Variants in LRPAP1 observed in about 807,000 individuals in gnomAD.
LRPAP1 encodes alpha-2-macroglobulin receptor-associated protein.
Under a neutral mutation model 39.9 loss-of-function variants are expected in LRPAP1, and 41 were observed. The observed-to-expected ratio is 1.03, with a 90% CI of 0.80 to 1.33. LRPAP1 has a LOEUF of 1.33. Ranked by LOEUF, LRPAP1 falls within the 40% of genes most tolerant of loss-of-function variation. LRPAP1 has a pLI of 0.00. For missense variants in LRPAP1, 565 were observed against 482.3 expected, an observed-to-expected ratio of 1.17 and a Z score of -1.61; for synonymous variants, 263 against 212.7, an observed-to-expected ratio of 1.24 and a Z score of -2.06.
Position 3,532,293 on chromosome 4 carries a change from G to A in LRPAP1, c.120C>T (p.Asn40=). ...CGCGTTTCGGGGACGGCTTGGGCTG[G>A]TTCTTCTCCCGCGAGTACTTGCCGC... ...SHGGKYSREK[N]QPKPSPKRES... Residue 40 remains asparagine, a synonymous_variant, in exon 1 of 8, where the codon AAC becomes AAT. Coordinates refer to ENST00000650182, the MANE Select transcript of LRPAP1 (RefSeq NM_002337.4). 4 of 1,568,054 alleles carry A rather than the reference G, an allele frequency of 2.6e-6. No homozygotes were observed. The highest frequency in any genetic ancestry group is 3.5e-6 in the Non-Finnish European group (4 of 1,155,888).
At chr4:3,516,344 C>CA (rs1357688070) in intron 5 of LRPAP1, 146 bp from the exon 6 acceptor site, 5 of 477,032 alleles carry the variant, frequency 1.0e-5, no homozygotes, top group South Asian at 4.4e-5. Context: ...TGCGTGCACT[C>CA]AAAGTCTTAT....
At chr4:3,521,753 T>TG (rs1226285872) in intron 2 of LRPAP1, among the ~76,000 whole-genome samples, 2 of 152,230 alleles carry the variant, frequency 1.3e-5, no homozygotes, top group Non-Finnish European at 2.9e-5. Flanking sequence ...CAAGAGCTGC[T>TG]GGCGCTGGGC....
intron 1 of LRPAP1, 46 bp from the exon 2 acceptor site, chr4:3,525,097 C>T (rs1204911016): frequency 1.2e-5 from 19 of 1,609,048 alleles, no homozygotes; most frequent in Non-Finnish European, 1.6e-5. Context: ...CAGGACGGAC[C>T]AGGACACAGC....
At chr4:3,518,850 G>A in intron 4 of LRPAP1, 21 bp downstream of exon 4, 1 of 1,503,738 alleles carries the variant, frequency 6.7e-7, no homozygotes, top group South Asian at 1.2e-5. Flanking sequence ...GAGGGCAGGA[G>A]GGGGTGGGGG....
At chr4:3,518,257 T>C (rs1729788762) in intron 4 of LRPAP1, 65 bp from the exon 5 acceptor site, 1 of 1,518,532 alleles carries the variant, frequency 6.6e-7, no homozygotes, top group South Asian at 1.3e-5. Flanking sequence ...CAGACCACTG[T>C]CTAGAACGCC....
chr4:3,522,136 A>G (rs10007398), intron 2 of LRPAP1, among the ~76,000 whole-genome samples: 57,215 of 152,026 alleles, frequency 0.38, 11,683 homozygotes, highest in East Asian at 0.63. Context: ...TCCTGCCCAG[A>G]CCCCCAAGTC....
At chr4:3,519,087 T>C (rs1729825927) in intron 3 of LRPAP1, 96 bp from the exon 4 acceptor site, 3 of 1,536,616 alleles carry the variant, frequency 2.0e-6, no homozygotes, top group Non-Finnish European at 2.6e-6. Context: ...GGCAGGCCCT[T>C]GCCTACGTGA....
intron 1 of LRPAP1, among the ~76,000 whole-genome samples, chr4:3,531,674 T>C (rs1242008134): frequency 6.6e-6 from 1 of 152,212 alleles, no homozygotes; most frequent in Non-Finnish European, 1.5e-5. Context: ...CTGTTAAGAC[T>C]GACTTTCAGC....
rs982004518 is a variant in LRPAP1 at position 3,508,444 on chromosome 4, C to T, written c.*4530G>A. The T allele has an allele frequency of 3.3e-5, 5 of 152,222 alleles. No individual in the cohort carries two copies. The highest frequency in any genetic ancestry group is 6.5e-5 in the Admixed American group (1 of 15,290). The allele number at this position is 152,222 out of a possible 1,614,324, so 9.4% of individuals were successfully genotyped here. On this transcript the variant is annotated 3_prime_UTR_variant, in exon 8 of 8. Transcript: ENST00000650182. ...ATACAAACTATGGCAGAACTTGTTT[C>T]AGGAGGCCCACTTAATGCAATATCA... is the stretch of plus-strand genomic sequence containing the variant.
At chr4:3,516,292 T>G in intron 5 of LRPAP1, 94 bp from the exon 6 acceptor site, 1 of 995,660 alleles carries the variant, frequency 1.0e-6, no homozygotes, top group Non-Finnish European at 1.5e-6. Flanking sequence ...GTGGAGCCTA[T>G]GAGGGTTTGC....
In LRPAP1 at chr4:3,518,190, T is replaced by G. The variant is rs35108689; in HGVS notation, c.595A>C (p.Ile199Leu). ...GAGGGGCTAATGACGTTCTCGTGGA[T>G]TTCTGTAAAACCGAAGGCAGGACGC... ...LLETLSRTEE[I>L]HENVISPSDL... The change falls in exon 5 of 8, where the codon ATC becomes CTC. Residue 199 changes from isoleucine (I) to leucine (L), a missense_variant and splice_region_variant. Physicochemically the swap from Ile to Leu is conservative, Grantham distance 5 (BLOSUM62 2). Transcript: ENST00000650182. 2 of 1,609,646 alleles carry G rather than the reference T, an allele frequency of 1.2e-6. No homozygotes were observed. The highest frequency in any genetic ancestry group is 1.7e-4 in the Middle Eastern group (1 of 6,054).
In LRPAP1 at chr4:3,507,289, A is replaced by G. The variant is rs1164687116; in HGVS notation, c.*5685T>C. 2 of 152,206 alleles carry G rather than the reference A, an allele frequency of 1.3e-5. No homozygotes were observed. Among genetic ancestry groups the G allele is most frequent in the African/African-American group, 4.8e-5 (2 of 41,442 alleles). The allele number at this position is 152,206 out of a possible 1,614,324, so 9.4% of individuals were successfully genotyped here. ...CAAAAGAATTAAGTAGGCCCTTCCC[A>G]AAGACGCCACCCAAATGGCCAAGAG... On this transcript the variant is annotated 3_prime_UTR_variant, in exon 8 of 8. Transcript: ENST00000650182.
In LRPAP1 at chr4:3,505,986, G is replaced by C. The variant is rs1332762420; in HGVS notation, c.*6988C>G. Among the ~76,000 whole-genome samples, 1 of 151,584 alleles carries C rather than the reference G, an allele frequency of 6.6e-6. No homozygotes were observed. The highest frequency in any genetic ancestry group is 2.4e-5 in the African/African-American group (1 of 41,268). ...TCCAGCCCCGGAGGAGCTGAACCTA[G>C]AGATACCTGGAAACCCAGCTTAGGG... is the stretch of plus-strand genomic sequence containing the variant. On this transcript the variant is annotated 3_prime_UTR_variant, in exon 8 of 8. Transcript: ENST00000650182.
chr4:3,518,328 T>G, intron 4 of LRPAP1, 136 bp from the exon 5 acceptor site: 730 of 861,762 alleles, frequency 8.5e-4, no homozygotes, highest in Non-Finnish European at 8.4e-4. Flanking sequence ...CCTTCCGCGG[T>G]CCTGCAGCGC....
At chr4:3,515,346 G>A (rs1729659338) in intron 6 of LRPAP1, among the ~76,000 whole-genome samples, 1 of 152,114 alleles carries the variant, frequency 6.6e-6, no homozygotes. Flanking sequence ...TTGACCCCAC[G>A]CTCCAGACCC....
At position 3,524,671 on chromosome 4, in the gene LRPAP1, C is replaced by A. The variant is rs573945659; in HGVS notation, c.349+236G>T. The stretch of plus-strand genomic sequence containing the variant: ...GCCACCATCCCTCATGAGGGTTAGC[C>A]CCCCCAAACACTGAAGCCAGTGGCC... On this transcript the variant is annotated intron_variant, in intron 2 of 7. Coordinates refer to ENST00000650182, the MANE Select transcript of LRPAP1 (RefSeq NM_002337.4). Among the ~76,000 whole-genome samples, 13 of 152,352 alleles carry A rather than the reference C, an allele frequency of 8.5e-5. No homozygotes were observed. In the East Asian group the frequency reaches 2.3e-3, roughly 27 times the overall value.
At position 3,532,392 on chromosome 4, in the gene LRPAP1, C is replaced by G; in HGVS notation, c.21G>C (p.Arg7Ser). MAPRRV[R>S]SFLRGLPALL... is the part of the protein sequence containing the mutation. ...GCGCCGGGAGCCCGCGCAGAAACGA[C>G]CTGACCCTCCGCGGCGCCATCTTCC... The change falls in exon 1 of 8, where the codon AGG becomes AGC. Residue 7 changes from arginine to serine, a missense_variant. Coordinates refer to ENST00000650182, the MANE Select transcript of LRPAP1 (RefSeq NM_002337.4). 1.3e-6 allele frequency: 2 copies of G among 1,584,290 alleles called. No homozygotes were observed. Among genetic ancestry groups the G allele is most frequent in the Non-Finnish European group, 1.7e-6 (2 of 1,166,084 alleles).
At position 3,508,075 on chromosome 4, in the gene LRPAP1, A is replaced by T. The variant is rs966446495; in HGVS notation, c.*4899T>A. On this transcript the variant is annotated 3_prime_UTR_variant, in exon 8 of 8. Coordinates refer to ENST00000650182, the MANE Select transcript of LRPAP1 (RefSeq NM_002337.4). ...GGCTGGAGTGCAGTGGTGTGATCTC[A>T]GCTCACTGCAACCTCCACCTCCTGA... 3.3e-5 allele frequency: 5 copies of T among 152,104 alleles called. No individual in the cohort carries two copies. Among genetic ancestry groups the T allele is most frequent in the Non-Finnish European group, 5.9e-5 (4 of 68,052 alleles). 9.4% of individuals were successfully genotyped at this position (152,104 alleles called of 1,614,324 possible).
chr4:3,526,440 A>G (rs1345400713), intron 1 of LRPAP1, among the ~76,000 whole-genome samples: 2 of 152,242 alleles, frequency 1.3e-5, no homozygotes, highest in African/African-American at 4.8e-5. Flanking sequence ...CTATTTTCTA[A>G]CATAAATACA....
Sources: allele counts gnomAD v4.1 joint callset (sites outside exome capture counted in the v4.1 genomes callset), GRCh38; gene constraint gnomAD v4.1.1; transcripts MANE v1.5; gene names NCBI Gene and HGNC (gene_info 2026-07-23, HGNC 2026-07-21).